TBXAS1: variants seen among roughly 807,000 people sequenced by gnomAD.
The protein encoded by TBXAS1 is thromboxane-A synthase.
In TBXAS1, 48 loss-of-function variants were observed where a neutral mutation model predicts 60.7. The observed-to-expected ratio is 0.79, with a 90% CI of 0.63 to 1.01. TBXAS1 has a LOEUF of 1.01. Among genes scored for constraint, TBXAS1 ranks in the 50% least tolerant of loss-of-function variants. TBXAS1 has a pLI of 0.00. For synonymous variants in TBXAS1, 287 were observed against 269.7 expected (o/e 1.06, Z -0.63); for missense variants, 685 against 686.3 (o/e 1.00, Z 0.02).
chr7:139,802,425 G>T (rs956630026), intron 4 of TBXAS1, among the ~76,000 whole-genome samples: 5 of 152,118 alleles, frequency 3.3e-5, no homozygotes, highest in African/African-American at 1.2e-4. Flanking sequence ...GAATCATGGG[G>T]GTGTGTTTTT....
chr7:139,950,041 T>A, intron 5 of TBXAS1, among the ~76,000 whole-genome samples: 1 of 7,440 alleles, frequency 1.3e-4, no homozygotes, highest in South Asian at 2.7e-3. Context: ...GATGGGATTT[T>A]TTTTTTTTTT....
At chr7:140,003,791 T>C (rs1262396247) in intron 9 of TBXAS1, among the ~76,000 whole-genome samples, 1 of 152,210 alleles carries the variant, frequency 6.6e-6, no homozygotes, top group Non-Finnish European at 1.5e-5. Context: ...GATACATGCA[T>C]ATTCCTGCAT....
At chr7:139,810,279 C>A (rs1180208713) in intron 4 of TBXAS1, among the ~76,000 whole-genome samples, 1 of 152,110 alleles carries the variant, frequency 6.6e-6, no homozygotes, top group East Asian at 1.9e-4. Context: ...TCAAAACAAT[C>A]CTCCCACTTT....
rs115825628 is a variant in TBXAS1, at chr7:139,965,749, C to G, written c.1134+3516C>G. Among the ~76,000 whole-genome samples the G allele has an allele frequency of 5.0e-3, 761 of 152,282 alleles. 10 individuals are homozygous for G. Among genetic ancestry groups the G allele is most frequent in the African/African-American group, 0.018 (731 of 41,552 alleles). Reference sequence around the variant, plus strand: ...GGGAGTCTCTGAAAAATGGGAATATCTACAGCTGTCTTTTTAAAAACATAC... The same window carrying G: ...GGGAGTCTCTGAAAAATGGGAATATGTACAGCTGTCTTTTTAAAAACATAC... On this transcript the variant is annotated intron_variant, in intron 9 of 12. Coordinates refer to ENST00000448866, the MANE Select transcript of TBXAS1 (RefSeq NM_001061.7).
chr7:139,929,304 C>G (rs754734540), intron 4 of TBXAS1, among the ~76,000 whole-genome samples: 1 of 152,214 alleles, frequency 6.6e-6, no homozygotes, highest in Non-Finnish European at 1.5e-5. Flanking sequence ...CCCTGACGCA[C>G]GTGGCCCCTG....
rs1814135319 is a variant in TBXAS1 at position 140,007,109 on chromosome 7, A to G, written c.1153A>G (p.Ser385Gly). The change falls in exon 10 of 13, where the codon AGC becomes GGC. Residue 385 changes from serine (S) to glycine (G), a missense_variant. By Grantham distance (56) the Ser-to-Gly change is moderately conservative. Transcript: ENST00000448866. ...CCATCAGATGGCCCCTGAGTTCTGC[A>G]GCCTCGAGGAAGGCCTGCCCTATCT... is the stretch of plus-strand genomic sequence containing the variant. Reference protein sequence around the residue: ...KEKHMAPEFCSLEEGLPYLDM... With the variant: ...KEKHMAPEFCGLEEGLPYLDM... 3 of 1,614,168 alleles carry G rather than the reference A, an allele frequency of 1.9e-6. No homozygotes were observed.
intron 1 of TBXAS1, among the ~76,000 whole-genome samples, chr7:139,834,653 A>G (rs996095609): frequency 1.3e-5 from 2 of 152,220 alleles, no homozygotes; most frequent in Non-Finnish European, 2.9e-5. Flanking sequence ...AACTGACACC[A>G]CTAAAATACA....
intron 4 of TBXAS1, among the ~76,000 whole-genome samples, chr7:139,930,146 C>T (rs1289790990): frequency 6.6e-6 from 1 of 152,188 alleles, no homozygotes; most frequent in Non-Finnish European, 1.5e-5. Flanking sequence ...ACCAAACCCC[C>T]AGCTCCTTCA....
rs375737251 is a variant in TBXAS1, at chr7:139,820,267, G to C, written c.-79-9045G>C. On this transcript the variant is annotated intron_variant, in intron 4 of 16. Transcript: ENST00000336425. ...CGCATCCAGCCATGAGGAGGGGCGG[G>C]AGAGATTTGACAACATCTCAGGAAG... 3.3e-5 allele frequency among the ~76,000 whole-genome samples: 5 copies of C among 152,226 alleles called. No homozygotes were observed. In the East Asian group the frequency reaches 9.7e-4, roughly 30 times the overall value.
intron 4 of TBXAS1, among the ~76,000 whole-genome samples, chr7:139,797,763 G>A (rs1797610603): frequency 6.6e-6 from 1 of 152,154 alleles, no homozygotes; most frequent in African/African-American, 2.4e-5. Flanking sequence ...CCACTGTAAT[G>A]TCCACTCACA....
chr7:139,835,301 C>T (rs936751888), intron 1 of TBXAS1, among the ~76,000 whole-genome samples: 6 of 152,252 alleles, frequency 3.9e-5, no homozygotes, highest in Middle Eastern at 6.8e-3. Flanking sequence ...ATCTCCTGAC[C>T]TCGTGGTCCA....
chr7:139,828,917 A>C (rs1262951460), upstream of TBXAS1, among the ~76,000 whole-genome samples: 1 of 152,192 alleles, frequency 6.6e-6, no homozygotes, highest in Non-Finnish European at 1.5e-5. Context: ...ATCTCTTGAC[A>C]TGTATCTTCA....
At chr7:139,943,096 C>T (rs1569516849) in intron 5 of TBXAS1, among the ~76,000 whole-genome samples, 1 of 152,194 alleles carries the variant, frequency 6.6e-6, no homozygotes, top group African/African-American at 2.4e-5. Context: ...GCAGAACACG[C>T]TTCCCAATAA....
chr7:139,993,962 C>T (rs1338591613), intron 9 of TBXAS1, among the ~76,000 whole-genome samples: 2 of 147,078 alleles, frequency 1.4e-5, no homozygotes, highest in African/African-American at 5.1e-5. Flanking sequence ...TGGCTTACTG[C>T]AGCCTTTGCC....
At position 140,004,537 on chromosome 7, in the gene TBXAS1, T is replaced by C. The variant is rs1813912848; in HGVS notation, c.1135-2554T>C. On this transcript the variant is annotated intron_variant, in intron 9 of 12. Transcript: ENST00000448866. The surrounding 1 kb of genome is among the most constrained non-coding windows in gnomAD (Gnocchi z 5.1). ...AAGAGACAAACACAAACCAAACTCA[T>C]AAAGATTGGAAGCAGGAAGACAAGT... Among the ~76,000 whole-genome samples, 1 of 152,146 alleles carries C rather than the reference T, an allele frequency of 6.6e-6. No individual in the cohort carries two copies. Among genetic ancestry groups the C allele is most frequent in the South Asian group, 2.1e-4 (1 of 4,824 alleles).
At chr7:139,834,845 A>G (rs944142181) in intron 1 of TBXAS1, among the ~76,000 whole-genome samples, 2 of 152,140 alleles carry the variant, frequency 1.3e-5, no homozygotes, top group East Asian at 1.9e-4. Context: ...CCAACAAAAA[A>G]AAGTCCAGGA....
Position 139,941,264 on chromosome 7 carries a change from G to A in TBXAS1, c.450+4957G>A, listed in dbSNP as rs148425009. Among the ~76,000 whole-genome samples the A allele has an allele frequency of 6.5e-3, 997 of 152,284 alleles. 12 individuals are homozygous for A. Among genetic ancestry groups the A allele is most frequent in the African/African-American group, 0.023 (948 of 41,556 alleles). On this transcript the variant is annotated intron_variant, in intron 5 of 12. Coordinates refer to ENST00000448866, the MANE Select transcript of TBXAS1 (RefSeq NM_001061.7). The stretch of plus-strand genomic sequence containing the variant: ...GGCTTTCTCCTTTAGAACCTTGGCA[G>A]CCTAAGTCCCTCTCTACCTGTGTCT...
At chr7:139,855,838 T>C (rs1031287124) in intron 1 of TBXAS1, among the ~76,000 whole-genome samples, 2 of 152,200 alleles carry the variant, frequency 1.3e-5, no homozygotes, top group African/African-American at 4.8e-5. Context: ...CTTCTTGAAC[T>C]TGAGAAGTTT....
chr7:139,795,882 C>T (rs1365455706), intron 4 of TBXAS1, among the ~76,000 whole-genome samples: 1 of 152,136 alleles, frequency 6.6e-6, no homozygotes, highest in Non-Finnish European at 1.5e-5. Flanking sequence ...CCTTCACAAG[C>T]TCTTCTCCAG....
Sources: allele counts gnomAD v4.1 joint callset (sites outside exome capture counted in the v4.1 genomes callset), GRCh38; gene constraint gnomAD v4.1.1; non-coding constraint Gnocchi (gnomAD v3.1); transcripts MANE v1.5; gene names NCBI Gene and HGNC (gene_info 2026-07-23, HGNC 2026-07-21).